RABGAP1L: variants seen among roughly 807,000 people sequenced by gnomAD.
RABGAP1L encodes rab GTPase-activating protein 1-like.
RABGAP1L carries 63 observed loss-of-function variants against 137.7 expected under a neutral mutation model. The observed-to-expected ratio is 0.46, with a 90% CI of 0.37 to 0.56. RABGAP1L has a LOEUF of 0.56. Among genes scored for constraint, RABGAP1L ranks in the 20% least tolerant of loss-of-function variants. RABGAP1L has a pLI of 0.00. For missense variants in RABGAP1L, 1,095 were observed against 1,244.0 expected (o/e 0.88, Z 1.80); for synonymous variants, 431 against 433.7 (o/e 0.99, Z 0.08).
At chr1:174,678,396 G>C (rs987874671) in intron 14 of RABGAP1L, among the ~76,000 whole-genome samples, 1 of 151,676 alleles carries the variant, frequency 6.6e-6, no homozygotes, top group Non-Finnish European at 1.5e-5. Context: ...ACCAAAATGT[G>C]TCAGGCATTA....
intron 16 of RABGAP1L, chr1:174,701,218 G>A: frequency 3.9e-6 from 5 of 1,267,596 alleles, no homozygotes; most frequent in African/African-American, 3.1e-5. Context: ...TAAATTGGGA[G>A]AAAAAAATAA....
At chr1:174,938,951 T>C (rs941192263) in intron 19 of RABGAP1L, among the ~76,000 whole-genome samples, 1 of 152,178 alleles carries the variant, frequency 6.6e-6, no homozygotes, top group African/African-American at 2.4e-5. Flanking sequence ...AGCAATCGTT[T>C]ATGTGTAAAC....
At chr1:174,967,204 C>T (rs1669710374) in intron 20 of RABGAP1L, among the ~76,000 whole-genome samples, 1 of 151,122 alleles carries the variant, frequency 6.6e-6, no homozygotes, top group Admixed American at 6.6e-5. Flanking sequence ...CACTCTGTCA[C>T]CCAGGCTAGA....
chr1:174,620,500 A>T (rs1672346990), intron 13 of RABGAP1L, among the ~76,000 whole-genome samples: 1 of 152,228 alleles, frequency 6.6e-6, no homozygotes, highest in Admixed American at 6.5e-5. Context: ...TCACTCAACT[A>T]CATGGAAACT....
chr1:174,185,872 G>A (rs1481807420), intron 1 of RABGAP1L, among the ~76,000 whole-genome samples: 7 of 152,090 alleles, frequency 4.6e-5, no homozygotes, highest in African/African-American at 1.7e-4. Context: ...GTCGGGGCGC[G>A]GTGGCTCACA....
At chr1:174,568,941 G>T (rs1310137514) in intron 13 of RABGAP1L, among the ~76,000 whole-genome samples, 1 of 152,100 alleles carries the variant, frequency 6.6e-6, no homozygotes, top group Non-Finnish European at 1.5e-5. Flanking sequence ...ACATGTGTTG[G>T]GTATTTAATT....
intron 13 of RABGAP1L, among the ~76,000 whole-genome samples, chr1:174,443,175 T>A (rs2149236489): frequency 6.6e-6 from 1 of 152,240 alleles, no homozygotes; most frequent in South Asian, 2.1e-4. Context: ...AGTGTTGTAA[T>A]AACATGGTAG....
chr1:174,468,679 G>A (rs1324960548), intron 13 of RABGAP1L, among the ~76,000 whole-genome samples: 2 of 152,046 alleles, frequency 1.3e-5, no homozygotes. Context: ...TAAACCCAGA[G>A]AAGAAATCAT....
intron 13 of RABGAP1L, among the ~76,000 whole-genome samples, chr1:174,515,082 C>T (rs769374754): frequency 6.6e-6 from 1 of 151,718 alleles, no homozygotes; most frequent in Non-Finnish European, 1.5e-5. Flanking sequence ...TATATTTTTT[C>T]CAATTAAAAA....
intron 18 of RABGAP1L, among the ~76,000 whole-genome samples, chr1:174,775,535 A>T (rs952267523): frequency 2.0e-5 from 3 of 151,804 alleles, no homozygotes; most frequent in African/African-American, 4.8e-5. Context: ...CTGGTCTCGA[A>T]CTCCCGACCT....
Position 174,550,534 on chromosome 1 carries a change from C to T in RABGAP1L, c.1711-86841C>T, listed in dbSNP as rs141732558. ...CTCTTGTATGTTCTGCATACTGACT[C>T]ATTATTTGTCATTAAAAATTCAATG... On this transcript the variant is annotated intron_variant, in intron 13 of 25. Transcript: ENST00000681986. Among the ~76,000 whole-genome samples, 761 of 152,180 alleles carry T rather than the reference C, an allele frequency of 5.0e-3. 8 individuals are homozygous for T. The highest frequency in any genetic ancestry group is 4.0e-3 in the Non-Finnish European group (269 of 68,014).
chr1:174,993,207 GTTAC>G lies in RABGAP1L; in HGVS notation c.*3210_*3213del, dbSNP rs771412580. On this transcript the variant is annotated 3_prime_UTR_variant, in exon 26 of 26. Transcript: ENST00000681986. ...ATATAATTTAATGCAAAGAAATTCT[GTTAC>G]TTAATGTTCTGTTTATTTATGAGTG... 3 of 152,134 alleles carry G rather than the reference GTTAC, an allele frequency of 2.0e-5. No homozygotes were observed. The highest frequency in any genetic ancestry group is 2.4e-5 in the African/African-American group (1 of 41,430). The allele number at this position is 152,134 out of a possible 1,614,324, so 9.4% of individuals were successfully genotyped here. A position where few individuals can be genotyped will look rare whatever the true frequency, so the allele number is the denominator to read the frequency against.
intron 13 of RABGAP1L, among the ~76,000 whole-genome samples, chr1:174,605,233 A>C (rs1490975591): frequency 6.6e-6 from 1 of 152,114 alleles, no homozygotes; most frequent in Non-Finnish European, 1.5e-5. Flanking sequence ...GAGCAGGAAC[A>C]CTTGTCATGG....
At chr1:174,965,722 C>A (rs1380748149) in intron 20 of RABGAP1L, among the ~76,000 whole-genome samples, 3 of 152,186 alleles carry the variant, frequency 2.0e-5, no homozygotes, top group Admixed American at 6.5e-5. Context: ...GCTTGCTTTC[C>A]CACTTGTCTG....
chr1:174,452,860 C>T (rs994124014), intron 13 of RABGAP1L, among the ~76,000 whole-genome samples: 10 of 151,908 alleles, frequency 6.6e-5, no homozygotes, highest in Admixed American at 1.3e-4. Context: ...TGCACCCAGC[C>T]GGTAGCTGCT....
intron 18 of RABGAP1L, among the ~76,000 whole-genome samples, chr1:174,799,295 A>G (rs1298064974): frequency 6.6e-6 from 1 of 152,198 alleles, no homozygotes; most frequent in Non-Finnish European, 1.5e-5. Context: ...AAACACTTCA[A>G]CTTGAGGGTG....
At chr1:174,494,461 A>G (rs951529046) in intron 13 of RABGAP1L, among the ~76,000 whole-genome samples, 3 of 152,214 alleles carry the variant, frequency 2.0e-5, no homozygotes, top group African/African-American at 7.2e-5. Context: ...ATTATAATTT[A>G]CAAAGTTTTC....
intron 13 of RABGAP1L, among the ~76,000 whole-genome samples, chr1:174,498,955 T>C (rs1660999267): frequency 6.6e-6 from 1 of 152,146 alleles, no homozygotes; most frequent in South Asian, 2.1e-4. Context: ...TAGTTTAAAT[T>C]CCTTTTGGAT....
chr1:174,643,815 C>A (rs1674718068), intron 14 of RABGAP1L, among the ~76,000 whole-genome samples: 1 of 151,734 alleles, frequency 6.6e-6, no homozygotes, highest in East Asian at 1.9e-4. Flanking sequence ...GCTTTATTGC[C>A]AAGAACAATT....
Sources: gnomAD v4.1 joint callset for allele counts (sites outside exome capture counted in the v4.1 genomes callset) on GRCh38, gnomAD v4.1.1 for gene constraint, MANE v1.5 for transcripts, NCBI Gene and HGNC (gene_info 2026-07-23, HGNC 2026-07-21) for gene names.